Variants in RASAL2 observed in about 807,000 individuals in gnomAD.
RASAL2 encodes the protein RAS protein activator like 2, also known as ras GTPase-activating protein nGAP.
In RASAL2, 58 loss-of-function variants were observed where a neutral mutation model predicts 128.9. The observed-to-expected ratio is 0.45, with a 90% CI of 0.36 to 0.56. The LOEUF is 0.56. Among genes scored for constraint, RASAL2 ranks in the 20% least tolerant of loss-of-function variants. The probability of loss-of-function intolerance (pLI) is 0.00; values close to 1 mark genes in which losing one functional copy is unlikely to be tolerated. For synonymous variants in RASAL2, 561 were observed against 580.8 expected (o/e 0.97, Z 0.49); for missense variants, 1,360 against 1,601.6 (o/e 0.85, Z 2.57).
chr1:178,471,710 G>C (rs1648289097), intron 17 of RASAL2, among the ~76,000 whole-genome samples: 1 of 152,078 alleles, frequency 6.6e-6, no homozygotes, highest in South Asian at 2.1e-4. Flanking sequence ...GGAGAGTAAA[G>C]GGAAGTATTA....
chr1:178,359,065 G>C (rs1670972376), intron 3 of RASAL2, among the ~76,000 whole-genome samples: 1 of 152,146 alleles, frequency 6.6e-6, no homozygotes, highest in Non-Finnish European at 1.5e-5. Context: ...TATAAAACAT[G>C]CTCTTTATGT....
intron 1 of RASAL2, among the ~76,000 whole-genome samples, chr1:178,146,969 T>C (rs1660751062): frequency 6.6e-6 from 1 of 152,210 alleles, no homozygotes. Context: ...AATGTTTCCT[T>C]TTAGCAGTAG....
At chr1:178,216,466 AT>A (rs1663423045) in intron 1 of RASAL2, among the ~76,000 whole-genome samples, 1 of 152,208 alleles carries the variant, frequency 6.6e-6, no homozygotes. Context: ...AGAGAATGCA[AT>A]TATTTGGATT....
rs781319080 is a variant in RASAL2 at position 178,442,993 on chromosome 1, C to G, written c.1246C>G (p.Pro416Ala). The G allele has an allele frequency of 5.0e-6, 8 of 1,613,932 alleles. No homozygotes were observed. In the African/African-American group the frequency reaches 9.3e-5, roughly 19 times the overall value. The part of the protein sequence containing the change: ...TGRQFVEKWY[P>A]VSTPTPNKGK... Reference sequence around the variant, plus strand: ...TCGCCAATTTGTAGAAAAGTGGTATCCAGTGAGTACACCTACACCCAACAA... The same window carrying G: ...TCGCCAATTTGTAGAAAAGTGGTATGCAGTGAGTACACCTACACCCAACAA... The change falls in exon 8 of 18, where the codon CCA (proline) becomes GCA (alanine). Residue 416 changes from proline (P) to alanine (A), a missense_variant. This residue lies in a region of RASAL2 where 617 missense variants were observed against 714.2 expected (regional missense o/e 0.86). Transcript: ENST00000367649.
At chr1:178,362,901 T>A (rs1046669769) in intron 3 of RASAL2, among the ~76,000 whole-genome samples, 1 of 152,188 alleles carries the variant, frequency 6.6e-6, no homozygotes, top group Non-Finnish European at 1.5e-5. Context: ...CATAGTTTCT[T>A]TATTCGTCAA....
chr1:178,117,135 G>A (rs1659546690), intron 1 of RASAL2, among the ~76,000 whole-genome samples: 1 of 152,086 alleles, frequency 6.6e-6, no homozygotes, highest in Non-Finnish European at 1.5e-5. Flanking sequence ...ATTGGAATGA[G>A]GCTATTTTGT....
At chr1:178,327,681 T>C (rs1289059634) in intron 3 of RASAL2, among the ~76,000 whole-genome samples, 2 of 152,132 alleles carry the variant, frequency 1.3e-5, no homozygotes, top group African/African-American at 2.4e-5. Context: ...GAAAGCATAA[T>C]TGGCAGAAAG....
At chr1:178,441,479 T>A (rs1676647681) in intron 6 of RASAL2, 70 bp from the exon 7 acceptor site, 1 of 1,061,770 alleles carries the variant, frequency 9.4e-7, no homozygotes, top group South Asian at 1.3e-5. Context: ...AGAGGTATGC[T>A]GTGAACCCTA....
intron 2 of RASAL2, among the ~76,000 whole-genome samples, chr1:178,289,228 A>T (rs974159170): frequency 4.6e-5 from 7 of 152,112 alleles, no homozygotes; most frequent in Non-Finnish European, 8.8e-5. Flanking sequence ...AGTAGAGTTG[A>T]TCACTCATTT....
intron 1 of RASAL2, among the ~76,000 whole-genome samples, chr1:178,115,836 C>T (rs551414135): frequency 1.3e-5 from 2 of 152,058 alleles, no homozygotes; most frequent in East Asian, 1.9e-4. Context: ...GAGAAGTGGA[C>T]AGATTTTGAA....
intron 1 of RASAL2, among the ~76,000 whole-genome samples, chr1:178,220,570 C>G (rs1663580594): frequency 6.6e-6 from 1 of 152,154 alleles, no homozygotes. Flanking sequence ...TGCCAACAGA[C>G]CTGATTGACA....
intron 3 of RASAL2, among the ~76,000 whole-genome samples, chr1:178,357,432 T>TATATA (rs1670869481): frequency 6.6e-6 from 1 of 152,126 alleles, no homozygotes; most frequent in Non-Finnish European, 1.5e-5. Context: ...CTATATGTCT[T>TATATA]TTTCTACTCT....
At chr1:178,244,557 T>A (rs1664680625) in intron 1 of RASAL2, among the ~76,000 whole-genome samples, 1 of 152,162 alleles carries the variant, frequency 6.6e-6, no homozygotes, top group Non-Finnish European at 1.5e-5. Flanking sequence ...TTCTTTAAAA[T>A]TTTGTTTTAT....
intron 4 of RASAL2, among the ~76,000 whole-genome samples, chr1:178,415,217 C>G (rs1489895253): frequency 6.6e-6 from 1 of 152,004 alleles, no homozygotes; most frequent in Admixed American, 6.5e-5. Flanking sequence ...AAATTTTCCT[C>G]TAAGCACTGT....
chr1:178,216,284 C>T (rs117220783), intron 1 of RASAL2, among the ~76,000 whole-genome samples: 79 of 152,238 alleles, frequency 5.2e-4, no homozygotes, highest in African/African-American at 1.3e-3. Flanking sequence ...AAAAAAGGCT[C>T]GATCTTGTCG....
At chr1:178,261,313 T>C (rs148683983) in intron 1 of RASAL2, among the ~76,000 whole-genome samples, 2 of 152,336 alleles carry the variant, frequency 1.3e-5, no homozygotes, top group East Asian at 3.9e-4. Flanking sequence ...TACCTCTGGA[T>C]AGGTATTAGA....
At chr1:178,373,311 A>T (rs1356146276) in intron 3 of RASAL2, among the ~76,000 whole-genome samples, 1 of 61,504 alleles carries the variant, frequency 1.6e-5, no homozygotes, top group Non-Finnish European at 3.1e-5. Context: ...GTAAAGGGTC[A>T]TCCTAATCAG....
At chr1:178,473,024 G>C (rs772700406) in intron 17 of RASAL2, 51 bp from the exon 18 acceptor site, 2 of 1,595,576 alleles carry the variant, frequency 1.3e-6, no homozygotes, top group South Asian at 1.1e-5. Flanking sequence ...TAAAGAAAGC[G>C]TGTTACCTCC....
intron 1 of RASAL2, among the ~76,000 whole-genome samples, chr1:178,259,426 T>A (rs929204246): frequency 6.6e-6 from 1 of 152,218 alleles, no homozygotes; most frequent in African/African-American, 2.4e-5. Flanking sequence ...GACAAGAATG[T>A]TCTAAAATCG....
Sources: allele counts gnomAD v4.1 joint callset (sites outside exome capture counted in the v4.1 genomes callset), GRCh38; gene constraint gnomAD v4.1.1; regional missense constraint gnomAD v4.1.1; transcripts MANE v1.5; gene names NCBI Gene and HGNC (gene_info 2026-07-23, HGNC 2026-07-21).